Variants in DYNLT5 observed in about 807,000 individuals in gnomAD.
DYNLT5 encodes dynein light chain Tctex-type 5.
In DYNLT5, 25 loss-of-function variants were observed where a neutral mutation model predicts 19.3. The observed-to-expected ratio is 1.30, with a 90% CI of 0.95 to 1.81. The LOEUF is 1.81. Ranked by LOEUF, DYNLT5 falls within the 40% of genes most tolerant of loss-of-function variation. The pLI is 0.00. For synonymous variants in DYNLT5, 82 were observed against 68.9 expected (o/e 1.19, Z -0.94); for missense variants, 232 against 217.9 (o/e 1.06, Z -0.41).
intron 2 of DYNLT5, among the ~76,000 whole-genome samples, chr1:66,766,795 C>A (rs1240909399): frequency 6.6e-6 from 1 of 152,026 alleles, no homozygotes; most frequent in African/African-American, 2.4e-5. Context: ...ATTTCCTATA[C>A]TTTTTTATGA....
At chr1:66,754,885 G>A in intron 2 of DYNLT5, 108 bp downstream of exon 2, 1 of 1,218,976 alleles carries the variant, frequency 8.2e-7, no homozygotes, top group Non-Finnish European at 1.1e-6. Context: ...GATAAAATGG[G>A]CAAGTACAAG....
At chr1:66,772,780 A>G (rs1204073961) in intron 3 of DYNLT5, among the ~76,000 whole-genome samples, 1 of 152,234 alleles carries the variant, frequency 6.6e-6, no homozygotes, top group African/African-American at 2.4e-5. Context: ...AAAAGGGAAT[A>G]GAAAAGGAAA....
chr1:66,769,864 C>G (rs1645193504), intron 2 of DYNLT5, among the ~76,000 whole-genome samples: 1 of 152,074 alleles, frequency 6.6e-6, no homozygotes, highest in African/African-American at 2.4e-5. Flanking sequence ...TCCTCTACCA[C>G]GTAGATGAGT....
At chr1:66,773,218 C>A (rs576943991) in intron 3 of DYNLT5, among the ~76,000 whole-genome samples, 1 of 152,142 alleles carries the variant, frequency 6.6e-6, no homozygotes, top group African/African-American at 2.4e-5. Context: ...CTGCGAGCAC[C>A]GAGCCAAACT....
chr1:66,753,755 C>T (rs1383239259), intron 1 of DYNLT5, among the ~76,000 whole-genome samples: 1 of 151,638 alleles, frequency 6.6e-6, no homozygotes, highest in East Asian at 1.9e-4. Flanking sequence ...TTAAGGCCAG[C>T]CTGGGCAACA....
rs757714873 is a variant in DYNLT5 at position 66,778,939 on chromosome 1, T to C, written c.*1485T>C. ...GTATAACAAGTAAATGAGCTTCATA[T>C]TTTCATTACACATTGGTGAACATCT... is the stretch of plus-strand genomic sequence containing the variant. On this transcript the variant is annotated 3_prime_UTR_variant, in exon 5 of 5. Transcript: ENST00000282670. Among the ~76,000 whole-genome samples the C allele has an allele frequency of 8.5e-5, 13 of 152,224 alleles. No homozygotes were observed. The highest frequency in any genetic ancestry group is 1.9e-4 in the Non-Finnish European group (13 of 68,046).
chr1:66,756,508 A>G (rs1429985983), intron 2 of DYNLT5, among the ~76,000 whole-genome samples: 2 of 152,230 alleles, frequency 1.3e-5, no homozygotes, highest in African/African-American at 4.8e-5. Context: ...GGAAAAACAT[A>G]TAACTTTCAT....
At chr1:66,755,550 A>G (rs1404957397) in intron 2 of DYNLT5, 3 of 152,218 alleles carry the variant, frequency 2.0e-5, no homozygotes, top group Non-Finnish European at 2.9e-5. Context: ...TATTGAGTAT[A>G]TATTGGGAAG....
Position 66,757,365 on chromosome 1 carries a change from T to C in DYNLT5, c.119+2588T>C, listed in dbSNP as rs112360281. 4.1e-3 allele frequency among the ~76,000 whole-genome samples: 619 copies of C among 152,316 alleles called. 5 individuals carry two copies. Among genetic ancestry groups the C allele is most frequent in the African/African-American group, 0.014 (589 of 41,556 alleles). On this transcript the variant is annotated intron_variant, in intron 2 of 4. Transcript: ENST00000282670. The stretch of plus-strand genomic sequence containing the variant: ...AAAAGAAGATTAAATTTATATTAAA[T>C]ATTATTGTGAACTGTTTTCAAGATT...
chr1:66,777,231 C>T lies in DYNLT5; in HGVS notation c.337-20C>T, dbSNP rs1410589991. The stretch of plus-strand genomic sequence containing the variant: ...TTCAATGTAGCTGAATGAAGACCCT[C>T]CCTTTTTTTAAATTTCTAGGTTATT... On this transcript the variant is annotated intron_variant, in intron 4 of 4. Coordinates refer to ENST00000282670, the MANE Select transcript of DYNLT5 (RefSeq NM_152665.3). 1 of 1,597,680 alleles carries T rather than the reference C, an allele frequency of 6.3e-7. No homozygotes were observed. Among genetic ancestry groups the T allele is most frequent in the Non-Finnish European group, 8.6e-7 (1 of 1,167,646 alleles).
intron 2 of DYNLT5, among the ~76,000 whole-genome samples, chr1:66,767,747 C>A (rs1645173130): frequency 6.6e-6 from 1 of 152,222 alleles, no homozygotes; most frequent in Non-Finnish European, 1.5e-5. Flanking sequence ...TCTTTCTTAT[C>A]TGTAATCTGC....
rs1423575101 is a variant in DYNLT5, at chr1:66,778,516, T to A, written c.*1062T>A. ...ATGATGTTGTGGCGTTGTTCTTGGA[T>A]GGTAAGTGGACTGCCTAGAGGACAT... On this transcript the variant is annotated 3_prime_UTR_variant, in exon 5 of 5. Transcript: ENST00000282670. 6.6e-6 allele frequency: 1 copy of A among 152,620 alleles called. No homozygotes were observed. Among genetic ancestry groups the A allele is most frequent in the Non-Finnish European group, 1.5e-5 (1 of 68,034 alleles). The allele number at this position is 152,620 out of a possible 1,614,324, so 9.5% of individuals were successfully genotyped here. A position where few individuals can be genotyped will look rare whatever the true frequency, so the allele number is the denominator to read the frequency against.
chr1:66,777,131 CT>C, intron 4 of DYNLT5, 119 bp from the exon 5 acceptor site: 2 of 830,840 alleles, frequency 2.4e-6, no homozygotes, highest in Non-Finnish European at 3.7e-6. Context: ...AAAACAATCA[CT>C]GAAAGTATCT....
At chr1:66,758,300 G>C (rs1226168965) in intron 2 of DYNLT5, among the ~76,000 whole-genome samples, 2 of 152,208 alleles carry the variant, frequency 1.3e-5, no homozygotes, top group African/African-American at 4.8e-5. Flanking sequence ...GGCAGACACT[G>C]AACAGTGTTT....
At chr1:66,762,344 T>C (rs1216897454) in intron 2 of DYNLT5, among the ~76,000 whole-genome samples, 5 of 152,244 alleles carry the variant, frequency 3.3e-5, no homozygotes, top group South Asian at 4.1e-4. Context: ...TGAATCTATG[T>C]ATTATTTTCA....
rs919859543 is a variant in DYNLT5 at position 66,752,513 on chromosome 1, G to A, written c.-75G>A. Reference sequence around the variant, plus strand: ...CCGGCTGAATGAAGCCTGGGACGCGGGAGCCGCGCCGCGCGCAGTGTCTGC... The same window carrying A: ...CCGGCTGAATGAAGCCTGGGACGCGAGAGCCGCGCCGCGCGCAGTGTCTGC... On this transcript the variant is annotated 5_prime_UTR_variant, in exon 1 of 5. Coordinates refer to ENST00000282670, the MANE Select transcript of DYNLT5 (RefSeq NM_152665.3). 79 of 985,456 alleles carry A rather than the reference G, an allele frequency of 8.0e-5. No homozygotes were observed. The highest frequency in any genetic ancestry group is 9.3e-5 in the Non-Finnish European group (77 of 830,060). 61.0% of individuals were successfully genotyped at this position (985,456 alleles called of 1,614,324 possible).
intron 2 of DYNLT5, among the ~76,000 whole-genome samples, chr1:66,767,048 A>G (rs1052959571): frequency 6.6e-6 from 1 of 152,126 alleles, no homozygotes; most frequent in Admixed American, 6.6e-5. Context: ...TAGGCTTAAT[A>G]CCTGAGTGAT....
chr1:66,767,783 T>G (rs575684918), intron 2 of DYNLT5, among the ~76,000 whole-genome samples: 4 of 152,326 alleles, frequency 2.6e-5, no homozygotes, highest in South Asian at 4.1e-4. Flanking sequence ...CCCAAGATAG[T>G]GCTGAGCTCT....
intron 3 of DYNLT5, chr1:66,770,785 A>C: frequency 2.5e-6 from 1 of 403,688 alleles, no homozygotes; most frequent in Non-Finnish European, 4.6e-6. Flanking sequence ...ATATGACTTA[A>C]ATGAAAGAGA....
Sources: allele counts gnomAD v4.1 joint callset (sites outside exome capture counted in the v4.1 genomes callset), GRCh38; gene constraint gnomAD v4.1.1; transcripts MANE v1.5; gene names NCBI Gene and HGNC (gene_info 2026-07-23, HGNC 2026-07-21).